Variants in PTPN14 observed in about 807,000 individuals in gnomAD.
PTPN14 encodes the protein tyrosine-protein phosphatase non-receptor type 14.
PTPN14 carries 53 observed loss-of-function variants against 126.8 expected under a neutral mutation model. That is an observed-to-expected ratio of 0.42 (90% confidence interval 0.34 to 0.53). PTPN14 has a LOEUF of 0.53. Among genes scored for constraint, PTPN14 ranks in the 20% least tolerant of loss-of-function variants. The pLI is 0.08. For synonymous variants in PTPN14, 630 were observed against 599.3 expected (o/e 1.05, Z -0.75); for missense variants, 1,257 against 1,552.9 (o/e 0.81, Z 3.20).
intron 3 of PTPN14, among the ~76,000 whole-genome samples, chr1:214,430,770 G>A (rs752557616): frequency 3.3e-5 from 5 of 152,064 alleles, no homozygotes; most frequent in East Asian, 3.9e-4. Context: ...AATAATGCCC[G>A]TCTCCAAAGC....
chr1:214,381,679 G>A (rs1160768671), intron 13 of PTPN14, among the ~76,000 whole-genome samples: 1 of 152,166 alleles, frequency 6.6e-6, no homozygotes, highest in African/African-American at 2.4e-5. Context: ...TTCTTTTCAG[G>A]TTGAATCCCA....
chr1:214,458,146 C>T lies in PTPN14; in HGVS notation c.175-6172G>A, dbSNP rs115335052. On this transcript the variant is annotated intron_variant, in intron 2 of 18. Transcript: ENST00000366956. ...CTCACTGCAGCCTCATTCTCCCGAG[C>T]TCAAGGGATCCTCCTGCCTCAGACT... 3.5e-3 allele frequency among the ~76,000 whole-genome samples: 536 copies of T among 152,210 alleles called. 1 individual carries two copies. The highest frequency in any genetic ancestry group is 0.012 in the African/African-American group (504 of 41,510).
chr1:214,467,724 T>C (rs963349211), intron 1 of PTPN14, among the ~76,000 whole-genome samples: 6 of 152,258 alleles, frequency 3.9e-5, no homozygotes, highest in African/African-American at 1.4e-4. Context: ...TATTTTAAAG[T>C]ACATTATCTA....
At chr1:214,494,919 C>T in intron 1 of PTPN14, among the ~76,000 whole-genome samples, 1 of 151,978 alleles carries the variant, frequency 6.6e-6, no homozygotes, top group East Asian at 1.9e-4. Flanking sequence ...CCTGAAAGAC[C>T]TGGAATTCTT....
At chr1:214,497,769 T>C (rs1317538816) in intron 1 of PTPN14, among the ~76,000 whole-genome samples, 3 of 152,178 alleles carry the variant, frequency 2.0e-5, no homozygotes, top group South Asian at 4.2e-4. Flanking sequence ...AAACTTTCTC[T>C]ACATTTCATA....
At chr1:214,448,965 A>C (rs533055500) in intron 3 of PTPN14, among the ~76,000 whole-genome samples, 45 of 151,680 alleles carry the variant, frequency 3.0e-4, no homozygotes, top group African/African-American at 1.0e-3. Flanking sequence ...CAGTCTGTAA[A>C]TATCTAAAGG....
rs56080046 is a variant in PTPN14, at chr1:214,350,707, A to ATTTTTTTTTTTTTTTTT, written c.*7198_*7214dup. 20 of 74,536 alleles carry ATTTTTTTTTTTTTTTTT rather than the reference A, an allele frequency of 2.7e-4. No homozygotes were observed. Among genetic ancestry groups the ATTTTTTTTTTTTTTTTT allele is most frequent in the African/African-American group, 3.3e-4 (5 of 14,946 alleles). 4.6% of individuals were successfully genotyped at this position (74,536 alleles called of 1,614,324 possible). On this transcript the variant is annotated 3_prime_UTR_variant, in exon 19 of 19. Transcript: ENST00000366956. ...AGGCATGTGCCACCATGCCTGGCTA[A>ATTTTTTTTTTTTTTTTT]TTTTTTTTTTTTTTTTTTTTTTTGT...
chr1:214,408,086 C>T (rs776261588), intron 5 of PTPN14, among the ~76,000 whole-genome samples: 1 of 152,208 alleles, frequency 6.6e-6, no homozygotes, highest in African/African-American at 2.4e-5. Flanking sequence ...CCCTAATCCC[C>T]CAAGGGCATG....
chr1:214,383,187 C>T lies in PTPN14; in HGVS notation c.2544+124G>A. The T allele has an allele frequency of 1.6e-6, 2 of 1,244,876 alleles. No individual in the cohort carries two copies. Among genetic ancestry groups the T allele is most frequent in the Admixed American group, 2.3e-5 (1 of 42,594 alleles). 77.1% of individuals were successfully genotyped at this position (1,244,876 alleles called of 1,614,324 possible). On this transcript the variant is annotated intron_variant, in intron 13 of 18. Coordinates refer to ENST00000366956, the MANE Select transcript of PTPN14 (RefSeq NM_005401.5). The surrounding 1 kb of genome is among the most constrained non-coding windows in gnomAD (Gnocchi z 4.4). ...AACATTTTGTGTAATAAAGTACTAC[C>T]TTTTAAATGCTCAATGATTCCTTAA...
At chr1:214,418,148 G>C (rs79185959) in intron 3 of PTPN14, among the ~76,000 whole-genome samples, 1,861 of 152,272 alleles carry the variant, frequency 0.012, 48 homozygotes, top group African/African-American at 0.042. Flanking sequence ...GCCAGTGACC[G>C]GTTCTCCACC....
Position 214,364,709 on chromosome 1 carries a change from T to A in PTPN14, c.3272-34A>T, listed in dbSNP as rs1658035465. On this transcript the variant is annotated intron_variant, in intron 17 of 18. Coordinates refer to ENST00000366956, the MANE Select transcript of PTPN14 (RefSeq NM_005401.5). This position sits in a 1 kb window ranked among gnomAD's most constrained non-coding sequence, Gnocchi z 4.1. The stretch of plus-strand genomic sequence containing the variant: ...CAAAATGCAAATTCTGTCACCAAAG[T>A]CCTCCATGGCTTCGCATGTAAGTTG... The A allele has an allele frequency of 6.3e-7, 1 of 1,595,106 alleles. No individual in the cohort carries two copies.
At chr1:214,435,318 G>A (rs775749674) in intron 3 of PTPN14, among the ~76,000 whole-genome samples, 4 of 151,854 alleles carry the variant, frequency 2.6e-5, no homozygotes, top group African/African-American at 9.7e-5. Context: ...AACAATATCC[G>A]TAATTCAACC....
In PTPN14 at chr1:214,364,381, G is replaced by A. The variant is rs1658024924; in HGVS notation, c.3435+131C>T. The A allele has an allele frequency of 8.3e-7, 1 of 1,199,912 alleles. No individual in the cohort carries two copies. Among genetic ancestry groups the A allele is most frequent in the African/African-American group, 1.5e-5 (1 of 65,504 alleles). The allele number at this position is 1,199,912 out of a possible 1,614,324, so 74.3% of individuals were successfully genotyped here. The stretch of plus-strand genomic sequence containing the variant: ...ATGTCAGAGTCAAACTAGGAACCAG[G>A]AGCCTGGAAAACTCTGGTTGGGAGA... On this transcript the variant is annotated intron_variant, in intron 18 of 18. Transcript: ENST00000366956. The surrounding 1 kb of genome is among the most constrained non-coding windows in gnomAD (Gnocchi z 4.1).
intron 1 of PTPN14, among the ~76,000 whole-genome samples, chr1:214,508,144 A>G (rs930865499): frequency 1.3e-5 from 2 of 152,186 alleles, no homozygotes; most frequent in Non-Finnish European, 2.9e-5. Context: ...GGCTATGGCC[A>G]TTTCTTAAAA....
In PTPN14 at chr1:214,401,723, G is replaced by T. The variant is rs145391227; in HGVS notation, c.631C>A (p.Arg211Ser). The change falls in exon 7 of 19, where the codon CGT (arginine) becomes AGT (serine). Residue 211 changes from arginine to serine, a missense_variant. Physicochemically the swap from Arg to Ser is moderately radical, Grantham distance 110. Around this residue, in one of 3 missense-constraint regions of PTPN14, gnomAD observed 1,021 missense variants for 1,183.3 expected, o/e 0.86. Coordinates refer to ENST00000366956, the MANE Select transcript of PTPN14 (RefSeq NM_005401.5). ...AELMYINEVE[R>S]LDGFGQEIFP... ...ATTTCCTGTCCAAATCCATCCAAAC[G>T]TTCAACTTCATTGATGTACATCAGT... 1 of 1,595,586 alleles carries T rather than the reference G, an allele frequency of 6.3e-7. No individual in the cohort carries two copies. Among genetic ancestry groups the T allele is most frequent in the Admixed American group, 1.7e-5 (1 of 59,576 alleles).
chr1:214,452,951 C>A (rs1040510744), intron 2 of PTPN14, among the ~76,000 whole-genome samples: 16 of 152,194 alleles, frequency 1.1e-4, no homozygotes, highest in African/African-American at 3.9e-4. Flanking sequence ...GATGTTCCCA[C>A]TCCAGCTGGC....
intron 1 of PTPN14, among the ~76,000 whole-genome samples, chr1:214,518,128 T>G (rs1655154457): frequency 6.6e-6 from 1 of 152,300 alleles, no homozygotes; most frequent in African/African-American, 2.4e-5. Context: ...GTCAAAAGAT[T>G]GAACTGGGTA....
At chr1:214,404,534 T>C (rs1483865642) in intron 5 of PTPN14, among the ~76,000 whole-genome samples, 1 of 152,156 alleles carries the variant, frequency 6.6e-6, no homozygotes, top group African/African-American at 2.4e-5. Flanking sequence ...CAACAGAATA[T>C]AAAATAAAGT....
At chr1:214,391,111 G>A in intron 10 of PTPN14, 66 bp from the exon 11 acceptor site, 3 of 1,234,286 alleles carry the variant, frequency 2.4e-6, no homozygotes, top group South Asian at 3.5e-5. Flanking sequence ...AGATAGACAA[G>A]GGAAGGAGAG....
Sources: allele counts gnomAD v4.1 joint callset (sites outside exome capture counted in the v4.1 genomes callset), GRCh38; gene constraint gnomAD v4.1.1; regional missense constraint gnomAD v4.1.1; non-coding constraint Gnocchi (gnomAD v3.1); transcripts MANE v1.5; gene names NCBI Gene and HGNC (gene_info 2026-07-23, HGNC 2026-07-21).